Variants in MROH6 observed in about 807,000 individuals in gnomAD.
MROH6 encodes maestro heat-like repeat-containing protein family member 6.
Under a neutral mutation model 67.7 loss-of-function variants are expected in MROH6, and 62 were observed. The ratio of observed to expected loss-of-function variants is 0.92; its 90% CI spans 0.75 to 1.13. The LOEUF (loss-of-function observed/expected upper bound fraction) is 1.13. Among genes scored for constraint, MROH6 ranks in the 50% most tolerant of loss-of-function variants. MROH6 has a pLI of 0.00. For synonymous variants in MROH6, 566 were observed against 470.8 expected, an observed-to-expected ratio of 1.20 and a Z score of -2.62; for missense variants, 1,175 against 1,029.1, an observed-to-expected ratio of 1.14 and a Z score of -1.94.
chr8:143,571,015 G>C (rs1367449443), intron 3 of MROH6, 21 bp from the exon 4 acceptor site: 3 of 1,545,136 alleles, frequency 1.9e-6, no homozygotes, highest in Non-Finnish European at 2.6e-6. Context: ...GGAGGGGGCT[G>C]GTGTGAGACA....
rs1823654095 is a variant in MROH6, at chr8:143,567,135, T to C, written c.*104A>G. Reference sequence around the variant, plus strand: ...TGGGGGGTGGGGGAGGGCATTGGCGTCCAGCACCAGGCCCAGGGAGCCCCT... The same window carrying C: ...TGGGGGGTGGGGGAGGGCATTGGCGCCCAGCACCAGGCCCAGGGAGCCCCT... On this transcript the variant is annotated 3_prime_UTR_variant, in exon 14 of 14. Transcript: ENST00000398882. The C allele has an allele frequency of 3.5e-6, 2 of 571,364 alleles. No individual in the cohort carries two copies. The highest frequency in any genetic ancestry group is 4.6e-5 in the Admixed American group (1 of 21,600). The allele number at this position is 571,364 out of a possible 1,614,324, so 35.4% of individuals were successfully genotyped here.
Position 143,572,680 on chromosome 8 carries a change from C to A in MROH6, c.35G>T (p.Arg12Leu), listed in dbSNP as rs373982339. ...GGTTAGAGCCCCCACGGGAGCCTCC[C>A]GGGCCCGGCTCCGGCCCCACACACC... ...AGGVWGRSRA[R>L]EAPVGALTLT... is the part of the protein sequence containing the mutation. Residue 12 changes from arginine to leucine, a missense_variant, in exon 1 of 14, where the codon CGG (arginine) becomes CTG (leucine). Physicochemically the swap from Arg to Leu is moderately radical, Grantham distance 102. Transcript: ENST00000398882. 6.5e-7 allele frequency: 1 copy of A among 1,531,024 alleles called. No homozygotes were observed. Among genetic ancestry groups the A allele is most frequent in the East Asian group, 2.4e-5 (1 of 42,140 alleles). The allele number at this position is 1,531,024 out of a possible 1,614,324, so 94.8% of individuals were successfully genotyped here.
rs1823859657 is a variant in MROH6, at chr8:143,569,441, G to A, written c.1476C>T (p.Asp492=). The change falls in exon 9 of 14, where the codon GAC becomes GAT. Residue 492 remains aspartate (D), a splice_region_variant and synonymous_variant. Transcript: ENST00000398882. ...ACCCGGAGGCGGGGCGTTTGCTCAC[G>A]TCGTCCAGTAGCGGAGGGAGGCGCG... is the stretch of plus-strand genomic sequence containing the variant. ...LGPRLPPLLD[D]TRDSIRASAV... 1.4e-6 allele frequency: 2 copies of A among 1,443,428 alleles called. No homozygotes were observed. Among genetic ancestry groups the A allele is most frequent in the Non-Finnish European group, 1.8e-6 (2 of 1,108,884 alleles). The allele number at this position is 1,443,428 out of a possible 1,614,324, so 89.4% of individuals were successfully genotyped here.
rs1353102381 is a variant in MROH6 at position 143,572,648 on chromosome 8, C to T, written c.67G>A (p.Ala23Thr). 1 of 1,575,432 alleles carries T rather than the reference C, an allele frequency of 6.3e-7. No homozygotes were observed. The part of the protein sequence containing the change: ...EAPVGALTLT[A>T]LTEGIRARQG... ...CTGGCCCGGATTCCTTCAGTCAGTG[C>T]TGTCAGGGTTAGAGCCCCCACGGGA... Residue 23 changes from alanine (A) to threonine (T), a missense_variant, in exon 1 of 14, where the codon GCA (alanine) becomes ACA (threonine). By Grantham distance (58) the Ala-to-Thr change is moderately conservative. Transcript: ENST00000398882.
rs757929508 is a variant in MROH6, at chr8:143,572,754, C to T, written c.-40G>A. Reference sequence around the variant, plus strand: ...GCAGCACCTGCCGCTGCTCCTCCTGCGAAGTTGTGCCCAGGACTGACCTAG... The same window carrying T: ...GCAGCACCTGCCGCTGCTCCTCCTGTGAAGTTGTGCCCAGGACTGACCTAG... On this transcript the variant is annotated 5_prime_UTR_variant, in exon 1 of 14. Transcript: ENST00000398882. 7.0e-5 allele frequency: 101 copies of T among 1,443,668 alleles called. No homozygotes were observed. The highest frequency in any genetic ancestry group is 8.7e-5 in the Non-Finnish European group (96 of 1,102,410). The allele number at this position is 1,443,668 out of a possible 1,614,324, so 89.4% of individuals were successfully genotyped here.
At position 143,570,522 on chromosome 8, in the gene MROH6, G is replaced by T. The variant is rs1379834718; in HGVS notation, c.856C>A (p.Pro286Thr). 5.0e-6 allele frequency: 8 copies of T among 1,612,454 alleles called. No homozygotes were observed. The highest frequency in any genetic ancestry group is 6.8e-6 in the Non-Finnish European group (8 of 1,179,828). Residue 286 changes from proline to threonine, a missense_variant, in exon 5 of 14, where the codon CCC becomes ACC. By Grantham distance (38) the Pro-to-Thr change is conservative. Transcript: ENST00000398882. ...CGGTGGGACAGAACCCAAATCTTGGGCATGTCGGGGGAGCACGGGCTGCGG... is the reference window on the plus strand; with the variant it reads ...CGGTGGGACAGAACCCAAATCTTGGTCATGTCGGGGGAGCACGGGCTGCGG... ...LARSPCSPDM[P>T]KIWVLSHRGP...
rs373270434 is a variant in MROH6 at position 143,570,616 on chromosome 8, G to A, written c.762C>T (p.Cys254=). The change falls in exon 5 of 14, where the codon TGC becomes TGT. Residue 254 remains cysteine (C), a synonymous_variant. Transcript: ENST00000398882. ...ALGEMLAVSG[C]VGATRGFYPH... is the part of the protein sequence containing the mutation. ...GGTAGAAGCCCCTCGTGGCTCCCAC[G>A]CAGCCCGAAACAGCCAGCATCTCCC... 7.1e-5 allele frequency: 113 copies of A among 1,600,462 alleles called. No individual in the cohort carries two copies. Among genetic ancestry groups the A allele is most frequent in the African/African-American group, 2.0e-4 (15 of 74,904 alleles).
chr8:143,570,473 C>T lies in MROH6; in HGVS notation c.905G>A (p.Ser302Asn), dbSNP rs1354988351. ...SHRGPPHSHA[S>N]CAVEALKALL... ...CACGTAACCTGGTGTTGCCTCTCAC[C>T]TGGCATGGCTATGTGGTGGCCCTCG... Residue 302 changes from serine (S) to asparagine (N), a missense_variant and splice_region_variant, in exon 5 of 14, where the codon AGC (serine) becomes AAC (asparagine). Coordinates refer to ENST00000398882, the MANE Select transcript of MROH6 (RefSeq NM_001100878.2). 6.2e-7 allele frequency: 1 copy of T among 1,611,222 alleles called. No homozygotes were observed. The highest frequency in any genetic ancestry group is 8.5e-7 in the Non-Finnish European group (1 of 1,178,464).
Position 143,567,883 on chromosome 8 carries a change from C to T in MROH6, c.1770G>A (p.Gln590=). ...AGTTGGGCACGTGGCCTGGGTATCG[C>T]TGAACCTGGGGACAAAAGGGCTAGT... The part of the protein sequence containing the change: ...ALSHLCCRLV[Q]RYPGHVPNFL... The change falls in exon 12 of 14, where the codon CAG becomes CAA. Residue 590 remains glutamine (Q), a synonymous_variant. Coordinates refer to ENST00000398882, the MANE Select transcript of MROH6 (RefSeq NM_001100878.2). The T allele has an allele frequency of 6.6e-7, 1 of 1,523,424 alleles. No homozygotes were observed. The highest frequency in any genetic ancestry group is 2.3e-5 in the East Asian group (1 of 44,084). The allele number at this position is 1,523,424 out of a possible 1,614,324, so 94.4% of individuals were successfully genotyped here.
chr8:143,570,267 A>C lies in MROH6; in HGVS notation c.1019T>G (p.Leu340Arg). Residue 340 changes from leucine to arginine, a missense_variant, in exon 6 of 14, where the codon CTG becomes CGG. Coordinates refer to ENST00000398882, the MANE Select transcript of MROH6 (RefSeq NM_001100878.2). ...WRRLVGAHTHLEGVLLLASAM... is the reference protein window; with the variant it reads ...WRRLVGAHTHREGVLLLASAM... ...CCTGGCCAGCAGCAGGACGCCCTCC[A>C]GGTGGGTGTGGGCTCCCACCAGCCT... 6.3e-7 allele frequency: 1 copy of C among 1,598,396 alleles called. No individual in the cohort carries two copies. The highest frequency in any genetic ancestry group is 8.5e-7 in the Non-Finnish European group (1 of 1,174,644).
rs775866753 is a variant in MROH6, at chr8:143,567,891, G to A, written c.1765-3C>T. ...ACGTGGCCTGGGTATCGCTGAACCTGGGGACAAAAGGGCTAGTGGCAGGAC... is the reference window on the plus strand; with the variant it reads ...ACGTGGCCTGGGTATCGCTGAACCTAGGGACAAAAGGGCTAGTGGCAGGAC... On this transcript the variant is annotated splice_polypyrimidine_tract_variant and splice_region_variant and intron_variant, in intron 11 of 13. Coordinates refer to ENST00000398882, the MANE Select transcript of MROH6 (RefSeq NM_001100878.2). 2.0e-6 allele frequency: 3 copies of A among 1,520,374 alleles called. No homozygotes were observed. Among genetic ancestry groups the A allele is most frequent in the Non-Finnish European group, 1.8e-6 (2 of 1,135,702 alleles). 94.2% of individuals were successfully genotyped at this position (1,520,374 alleles called of 1,614,324 possible). A position where few individuals can be genotyped will look rare whatever the true frequency, so the allele number is the denominator to read the frequency against.
Position 143,570,659 on chromosome 8 carries a change from T to C in MROH6, c.721-2A>G, listed in dbSNP as rs759589252. ...CATCTCCCCAAGAGCACGTGTGGCC[T>C]GTGGAGCAAGTGGCCCACTCAGGCC... On this transcript the variant is annotated splice_acceptor_variant, in intron 4 of 13. Coordinates refer to ENST00000398882, the MANE Select transcript of MROH6 (RefSeq NM_001100878.2). LOFTEE classifies it high-confidence loss of function. 6.3e-7 allele frequency: 1 copy of C among 1,590,022 alleles called. No individual in the cohort carries two copies. The highest frequency in any genetic ancestry group is 8.5e-7 in the Non-Finnish European group (1 of 1,174,006).
At position 143,571,654 on chromosome 8, in the gene MROH6, A is replaced by C; in HGVS notation, c.602+13T>G. Reference sequence around the variant, plus strand: ...GCCGCGTGGGGACCGCAGGGCCAGGACGGTTGGGTTACCGATCGGCGGGCA... The same window carrying C: ...GCCGCGTGGGGACCGCAGGGCCAGGCCGGTTGGGTTACCGATCGGCGGGCA... On this transcript the variant is annotated intron_variant, in intron 3 of 13. Transcript: ENST00000398882. 6.4e-7 allele frequency: 1 copy of C among 1,560,384 alleles called. No individual in the cohort carries two copies. Among genetic ancestry groups the C allele is most frequent in the Non-Finnish European group, 8.7e-7 (1 of 1,152,946 alleles).
chr8:143,569,464 G>T lies in MROH6; in HGVS notation c.1453C>A (p.Arg485Ser). 6.8e-7 allele frequency: 1 copy of T among 1,462,986 alleles called. No individual in the cohort carries two copies. The allele number at this position is 1,462,986 out of a possible 1,614,324, so 90.6% of individuals were successfully genotyped here. The change falls in exon 9 of 14, where the codon CGC (arginine) becomes AGC (serine). Residue 485 changes from arginine (R) to serine (S), a missense_variant. By Grantham distance (110) the Arg-to-Ser change is moderately radical. Coordinates refer to ENST00000398882, the MANE Select transcript of MROH6 (RefSeq NM_001100878.2). Reference protein sequence around the residue: ...VRLLSAELGPRLPPLLDDTRD... With the variant: ...VRLLSAELGPSLPPLLDDTRD... Reference sequence around the variant, plus strand: ...ACGTCGTCCAGTAGCGGAGGGAGGCGCGGTCCCAGCTCCGCGCTCAGGAGC... The same window carrying T: ...ACGTCGTCCAGTAGCGGAGGGAGGCTCGGTCCCAGCTCCGCGCTCAGGAGC...
rs946513620 is a variant in MROH6 at position 143,566,748 on chromosome 8, C to G, written c.*491G>C. On this transcript the variant is annotated 3_prime_UTR_variant, in exon 14 of 14. Coordinates refer to ENST00000398882, the MANE Select transcript of MROH6 (RefSeq NM_001100878.2). ...CAGCAGGTGTGGCCGGGAGACAGGT[C>G]AATAATTTTGAGCAGAGAGGATGCC... 2 of 152,514 alleles carry G rather than the reference C, an allele frequency of 1.3e-5. No homozygotes were observed. The highest frequency in any genetic ancestry group is 4.8e-5 in the African/African-American group (2 of 41,394). The allele number at this position is 152,514 out of a possible 1,614,324, so 9.4% of individuals were successfully genotyped here. A position where few individuals can be genotyped will look rare whatever the true frequency, so the allele number is the denominator to read the frequency against.
At chr8:143,570,097 C>T (rs370283130) in intron 6 of MROH6, 32 bp from the exon 7 acceptor site, 5 of 1,596,934 alleles carry the variant, frequency 3.1e-6, no homozygotes, top group African/African-American at 1.3e-5. Context: ...GCTCTCGCTC[C>T]GTTTGGCGGC....
At chr8:143,570,106 G>A in intron 6 of MROH6, 41 bp from the exon 7 acceptor site, 2 of 1,592,036 alleles carry the variant, frequency 1.3e-6, no homozygotes, top group Non-Finnish European at 8.5e-7. Flanking sequence ...CCGTTTGGCG[G>A]CCTTTCTCCT....
Position 143,571,835 on chromosome 8 carries a change from G to C in MROH6, c.448-14C>G. On this transcript the variant is annotated splice_polypyrimidine_tract_variant and intron_variant, in intron 2 of 13. Coordinates refer to ENST00000398882, the MANE Select transcript of MROH6 (RefSeq NM_001100878.2). ...CAGAGCATGCACCTGGTGGGGAAGG[G>C]GGCAGACTTCAGCAGTCAGGCCTCC... is the stretch of plus-strand genomic sequence containing the variant. 1 of 1,536,894 alleles carries C rather than the reference G, an allele frequency of 6.5e-7. No individual in the cohort carries two copies. Among genetic ancestry groups the C allele is most frequent in the Non-Finnish European group, 8.8e-7 (1 of 1,140,796 alleles).
chr8:143,567,983 G>A (rs1304628298), intron 11 of MROH6, 95 bp from the exon 12 acceptor site: 2 of 1,417,782 alleles, frequency 1.4e-6, no homozygotes, highest in Non-Finnish European at 1.9e-6. Context: ...TTCCAGGGGA[G>A]CCCCCAGGGC....
Sources: gnomAD v4.1 joint callset for allele counts on GRCh38, gnomAD v4.1.1 for gene constraint, MANE v1.5 for transcripts, NCBI Gene and HGNC (gene_info 2026-07-23, HGNC 2026-07-21) for gene names.